AKAP19: variants seen among roughly 807,000 people sequenced by gnomAD.
The protein encoded by AKAP19 is A-kinase anchoring protein 19.
chr2:189,995,517 G>T, the AKAP19 span, among the ~76,000 whole-genome samples: 1 of 152,126 alleles, frequency 6.6e-6, no homozygotes, highest in East Asian at 1.9e-4. Flanking sequence ...TTATGTGTTA[G>T]ATGAGTCTCC....
chr2:190,175,282 A>C, the AKAP19 span, among the ~76,000 whole-genome samples: 6 of 152,222 alleles, frequency 3.9e-5, 1 homozygote, highest in Admixed American at 3.9e-4. Flanking sequence ...TTGTTTACGG[A>C]CAGATGCACA....
At chr2:190,051,104 G>A in the AKAP19 span, among the ~76,000 whole-genome samples, 1 of 152,128 alleles carries the variant, frequency 6.6e-6, no homozygotes, top group African/African-American at 2.4e-5. Context: ...GTGAAAAATT[G>A]TATCTCTACA....
the AKAP19 span, among the ~76,000 whole-genome samples, chr2:190,151,216 T>A: frequency 6.6e-6 from 1 of 152,190 alleles, no homozygotes; most frequent in African/African-American, 2.4e-5. Context: ...AGATTTTTTT[T>A]AAATTTTAAG....
chr2:189,925,344 A>G, the AKAP19 span, among the ~76,000 whole-genome samples: 6 of 152,208 alleles, frequency 3.9e-5, no homozygotes, highest in African/African-American at 1.4e-4. Context: ...AATAATAATA[A>G]TCTACTCAAG....
chr2:189,937,548 T>C, the AKAP19 span, among the ~76,000 whole-genome samples: 2 of 152,120 alleles, frequency 1.3e-5, no homozygotes, highest in African/African-American at 2.4e-5. Flanking sequence ...AACAAAATCT[T>C]TGAGCAAAAC....
chr2:190,001,418 C>T, the AKAP19 span, among the ~76,000 whole-genome samples: 1 of 152,152 alleles, frequency 6.6e-6, no homozygotes, highest in African/African-American at 2.4e-5. Flanking sequence ...GAAAACTGTA[C>T]AGGACCCTGA....
chr2:189,904,055 T>A, the AKAP19 span, among the ~76,000 whole-genome samples: 1 of 150,608 alleles, frequency 6.6e-6, no homozygotes, highest in South Asian at 2.1e-4. Flanking sequence ...TGAGAGTGTT[T>A]AAAAGATTAT....
At chr2:190,060,270 A>G in the AKAP19 span, 57 of 1,613,038 alleles carry the variant, frequency 3.5e-5, no homozygotes, top group Non-Finnish European at 4.7e-5. Flanking sequence ...ACCGTCTTTC[A>G]TAGGTTTGAT....
the AKAP19 span, among the ~76,000 whole-genome samples, chr2:189,900,662 A>G: frequency 6.6e-6 from 1 of 152,120 alleles, no homozygotes; most frequent in Non-Finnish European, 1.5e-5. Context: ...GAACTACTAT[A>G]CTGGGGAGTA....
chr2:190,106,853 A>C, the AKAP19 span, among the ~76,000 whole-genome samples: 1 of 152,162 alleles, frequency 6.6e-6, no homozygotes, highest in African/African-American at 2.4e-5. Flanking sequence ...TTGTCCAGCA[A>C]CTCAAGAAGT....
chr2:190,033,393 A>G, the AKAP19 span, among the ~76,000 whole-genome samples: 3 of 152,182 alleles, frequency 2.0e-5, no homozygotes, highest in African/African-American at 7.2e-5. Context: ...GTGTCTGCGT[A>G]TAGGCAAAAA....
the AKAP19 span, among the ~76,000 whole-genome samples, chr2:190,025,872 T>C: frequency 4.6e-5 from 7 of 152,090 alleles, no homozygotes; most frequent in Non-Finnish European, 1.0e-4. Context: ...GTATATAGCC[T>C]TTTAAATCTC....
At chr2:190,099,178 T>C in the AKAP19 span, among the ~76,000 whole-genome samples, 2 of 152,228 alleles carry the variant, frequency 1.3e-5, no homozygotes, top group Admixed American at 1.3e-4. Flanking sequence ...TGGCTAACTA[T>C]TTGGCATAAG....
At chr2:190,113,770 A>G in the AKAP19 span, among the ~76,000 whole-genome samples, 2 of 152,142 alleles carry the variant, frequency 1.3e-5, no homozygotes, top group African/African-American at 4.8e-5. Flanking sequence ...TTTGCCCACT[A>G]TGGTAAATCA....
chr2:189,933,023 G>A, the AKAP19 span, among the ~76,000 whole-genome samples: 1 of 152,142 alleles, frequency 6.6e-6, no homozygotes, highest in African/African-American at 2.4e-5. Context: ...CCATCACTGA[G>A]AACATTATGT....
chr2:190,091,091 C>A, the AKAP19 span: 1 of 152,202 alleles, frequency 6.6e-6, no homozygotes. Flanking sequence ...GAACCATCCA[C>A]ACAATTTGAG....
chr2:189,991,070 C>G, the AKAP19 span, among the ~76,000 whole-genome samples: 1 of 152,138 alleles, frequency 6.6e-6, no homozygotes, highest in Non-Finnish European at 1.5e-5. Context: ...ATTATATATA[C>G]CACATTTTCT....
At chr2:190,070,623 C>CG in the AKAP19 span, among the ~76,000 whole-genome samples, 1 of 125,914 alleles carries the variant, frequency 7.9e-6, no homozygotes, top group Non-Finnish European at 1.6e-5. Flanking sequence ...CTCCCCCCCC[C>CG]CTTTTTTTTT....
the AKAP19 span, among the ~76,000 whole-genome samples, chr2:189,990,906 A>ATGCCTTTGCAT: frequency 6.6e-6 from 1 of 152,164 alleles, no homozygotes; most frequent in East Asian, 1.9e-4. Context: ...TATCACTCTT[A>ATGCCTTTGCAT]TGCCTTTGCA....
Sources: allele counts gnomAD v4.1 joint callset (sites outside exome capture counted in the v4.1 genomes callset), GRCh38; gene constraint gnomAD v4.1.1; transcripts MANE v1.5; gene names NCBI Gene and HGNC (gene_info 2026-07-23, HGNC 2026-07-21).